The following AP5Z1 variants were observed in gnomAD, a reference collection of about 807,000 sequenced individuals.
AP5Z1 encodes AP-5 complex subunit zeta-1.
In AP5Z1, 106 loss-of-function variants were observed where a neutral mutation model predicts 83.0. The ratio of observed to expected loss-of-function variants is 1.28; its 90% CI spans 1.09 to 1.50. AP5Z1 has a LOEUF of 1.50. AP5Z1 is among the 40% of genes most tolerant of loss of function. The pLI is 0.00. For synonymous variants in AP5Z1, 751 were observed against 514.1 expected, an observed-to-expected ratio of 1.46 and a Z score of -6.23; for missense variants, 1,565 against 1,094.2, an observed-to-expected ratio of 1.43 and a Z score of -6.07.
At position 4,785,049 on chromosome 7, in the gene AP5Z1, G is replaced by A. The variant is rs1583232513; in HGVS notation, c.931+1G>A. The A allele has an allele frequency of 1.1e-5, 17 of 1,594,886 alleles. No homozygotes were observed. Among genetic ancestry groups the A allele is most frequent in the Non-Finnish European group, 1.4e-5 (16 of 1,167,580 alleles). On this transcript the variant is annotated splice_donor_variant, in intron 7 of 16. Coordinates refer to ENST00000649063, the MANE Select transcript of AP5Z1 (RefSeq NM_014855.3). LOFTEE classifies it high-confidence loss of function. ...CGCCTCATTGAGCAAAGTAACCGAC[G>A]TGAGTCCCCCACCCAGGGCACTGGC... is the stretch of plus-strand genomic sequence containing the variant.
At chr7:4,780,035 CGTCCCAAAGT>C (rs1410678025) in intron 1 of AP5Z1, among the ~76,000 whole-genome samples, 1 of 152,150 alleles carries the variant, frequency 6.6e-6, no homozygotes, top group Non-Finnish European at 1.5e-5. Flanking sequence ...CCCACCTCAG[CGTCCCAAAGT>C]GCTGGGATTA....
rs568094732 is a variant in AP5Z1 at position 4,791,408 on chromosome 7, G to A, written c.*23G>A. 58 of 1,588,348 alleles carry A rather than the reference G, an allele frequency of 3.7e-5. No homozygotes were observed. The highest frequency in any genetic ancestry group is 1.5e-4 in the South Asian group (13 of 88,084). On this transcript the variant is annotated 3_prime_UTR_variant, in exon 17 of 17. Coordinates refer to ENST00000649063, the MANE Select transcript of AP5Z1 (RefSeq NM_014855.3). ...TGAAGGGACAGTGGCCAGGGACTTC[G>A]GTGCAGATTAAGAGCCTGGGCAGCC... is the stretch of plus-strand genomic sequence containing the variant.
In AP5Z1 at chr7:4,788,149, C is replaced by T. The variant is rs199543162; in HGVS notation, c.1455-5C>T. 2.0e-5 allele frequency: 31 copies of T among 1,542,474 alleles called. No homozygotes were observed. The highest frequency in any genetic ancestry group is 1.1e-4 in the African/African-American group (8 of 72,896). ...CAGCCTGGCCTTGGGCGTCTGTCCA[C>T]GCAGGTCAGCACCGGCTGCATCCGA... On this transcript the variant is annotated splice_region_variant and splice_polypyrimidine_tract_variant and intron_variant, in intron 11 of 16. Transcript: ENST00000649063.
rs762762106 is a variant in AP5Z1, at chr7:4,785,435, T to G, written c.952T>G (p.Ser318Ala). The G allele has an allele frequency of 9.9e-6, 16 of 1,613,272 alleles. No homozygotes were observed. The highest frequency in any genetic ancestry group is 1.1e-5 in the Non-Finnish European group (13 of 1,179,686). The change falls in exon 8 of 17, where the codon TCC becomes GCC. Residue 318 changes from serine to alanine, a missense_variant. By Grantham distance (99) the Ser-to-Ala change is moderately conservative. Coordinates refer to ENST00000649063, the MANE Select transcript of AP5Z1 (RefSeq NM_014855.3). Reference protein sequence around the residue: ...SNRRALRKGDSDLQKACLVEA... With the variant: ...SNRRALRKGDADLQKACLVEA... ...TCCAGGAGCCCTGAGGAAGGGGGAC[T>G]CCGACCTGCAGAAAGCTGTAAGTGG...
intron 5 of AP5Z1, 79 bp from the exon 6 acceptor site, chr7:4,784,124 C>G (rs1781463856): frequency 6.8e-7 from 1 of 1,474,578 alleles, no homozygotes; most frequent in African/African-American, 1.4e-5. Context: ...TCCTCCACCT[C>G]CTGAGGAGCT....
intron 14 of AP5Z1, 147 bp downstream of exon 14, chr7:4,790,076 AGC>A (rs1781706642): frequency 2.6e-6 from 3 of 1,145,476 alleles, no homozygotes; most frequent in African/African-American, 2.7e-5. Flanking sequence ...CCCCACCCAC[AGC>A]CCCACACCCA....
intron 3 of AP5Z1, among the ~76,000 whole-genome samples, chr7:4,782,171 G>A (rs1035359756): frequency 1.8e-4 from 28 of 152,260 alleles, no homozygotes; most frequent in African/African-American, 6.7e-4. Context: ...TCCCATCTCA[G>A]CCTCCTGAGT....
chr7:4,781,291 C>T lies in AP5Z1; in HGVS notation c.158C>T (p.Ser53Leu). 2 of 1,613,674 alleles carry T rather than the reference C, an allele frequency of 1.2e-6. No individual in the cohort carries two copies. The highest frequency in any genetic ancestry group is 1.7e-5 in the Admixed American group (1 of 60,026). ...CTGCAGAGGCTCTTCCTCATCATCTCAGCCACGAAGTACAGCCGGAGGTGA... is the reference window on the plus strand; with the variant it reads ...CTGCAGAGGCTCTTCCTCATCATCTTAGCCACGAAGTACAGCCGGAGGTGA... ...DSLQRLFLII[S>L]ATKYSRRLEK... The change falls in exon 2 of 17, where the codon TCA (serine) becomes TTA (leucine). Residue 53 changes from serine to leucine, a missense_variant. By Grantham distance (145) the Ser-to-Leu change is moderately radical. Coordinates refer to ENST00000649063, the MANE Select transcript of AP5Z1 (RefSeq NM_014855.3).
chr7:4,790,513 G>A lies in AP5Z1; in HGVS notation c.1860G>A (p.Val620=), dbSNP rs769844045. Residue 620 remains valine, a synonymous_variant, in exon 15 of 17, where the codon GTG becomes GTA. Transcript: ENST00000649063. ...ALCTLKPSLV[V]ELARDLLEFL... Reference sequence around the variant, plus strand: ...GTACGCTGAAACCCTCCCTGGTGGTGGAGCTGGCAAGAGACCTGCTGGAGT... The same window carrying A: ...GTACGCTGAAACCCTCCCTGGTGGTAGAGCTGGCAAGAGACCTGCTGGAGT... 1.2e-6 allele frequency: 2 copies of A among 1,613,078 alleles called. No individual in the cohort carries two copies. The highest frequency in any genetic ancestry group is 2.2e-5 in the South Asian group (2 of 91,090).
In AP5Z1 at chr7:4,785,663, G is replaced by T. The variant is rs376671338; in HGVS notation, c.1111G>T (p.Ala371Ser). ...PASVRVLLPL[A>S]HFFLSHGEAA... ...CTCTGTGCGGGTGCTGCTGCCCCTC[G>T]CCCACTTCTTCCTGAGCCACGGTGA... The change falls in exon 9 of 17, where the codon GCC becomes TCC. Residue 371 changes from alanine (A) to serine (S), a missense_variant. Ala to Ser is a moderately conservative substitution (Grantham distance 99). Coordinates refer to ENST00000649063, the MANE Select transcript of AP5Z1 (RefSeq NM_014855.3). The T allele has an allele frequency of 1.9e-5, 30 of 1,543,624 alleles. No individual in the cohort carries two copies. Among genetic ancestry groups the T allele is most frequent in the South Asian group, 2.4e-5 (2 of 84,592 alleles).
chr7:4,787,708 A>G lies in AP5Z1; in HGVS notation c.1386A>G (p.Thr462=). The G allele has an allele frequency of 6.4e-7, 1 of 1,551,292 alleles. No homozygotes were observed. Among genetic ancestry groups the G allele is most frequent in the Non-Finnish European group, 8.7e-7 (1 of 1,148,940 alleles). Residue 462 remains threonine, a synonymous_variant, in exon 11 of 17, where the codon ACA becomes ACG. Transcript: ENST00000649063. The part of the protein sequence containing the change: ...ALLPALVDAG[T]ALEMLHALLD... ...TCCCGGCCCTGGTGGACGCTGGCAC[A>G]GCCCTGGAGATGCTGCACGCGCTGC...
intron 13 of AP5Z1, among the ~76,000 whole-genome samples, chr7:4,789,272 C>T (rs548709059): frequency 1.3e-5 from 2 of 152,202 alleles, no homozygotes; most frequent in South Asian, 2.1e-4. Context: ...AGGCTCCATC[C>T]AACTGCCCCA....
rs763906080 is a variant in AP5Z1 at position 4,790,623 on chromosome 7, C to T, written c.1938+32C>T. ...CGGGCGCTGGCCTCCCACAGCCGCTCCTGACCCAGGAGGCCTGGGTGGGGG... is the reference window on the plus strand; with the variant it reads ...CGGGCGCTGGCCTCCCACAGCCGCTTCTGACCCAGGAGGCCTGGGTGGGGG... On this transcript the variant is annotated intron_variant, in intron 15 of 16. Transcript: ENST00000649063. 13 of 1,612,384 alleles carry T rather than the reference C, an allele frequency of 8.1e-6. No individual in the cohort carries two copies. The African/African-American group carries it at 1.2e-4, about 15-fold the overall frequency.
intron 1 of AP5Z1, among the ~76,000 whole-genome samples, chr7:4,778,480 G>A (rs1055483072): frequency 4.6e-5 from 7 of 152,190 alleles, no homozygotes; most frequent in Middle Eastern, 3.4e-3. Context: ...TGTGCGAAGG[G>A]ACAGAAGCAA....
Position 4,788,646 on chromosome 7 carries a change from C to G in AP5Z1, c.1596-194C>G, listed in dbSNP as rs539201113. ...CCTCAGCCCACGCCAGCCTTTGTCC[C>G]GATGGCTTTACTGTCCCGGGTGTGC... On this transcript the variant is annotated intron_variant, in intron 12 of 16. Transcript: ENST00000649063. 1.5e-5 allele frequency: 8 copies of G among 548,046 alleles called. No homozygotes were observed. The South Asian group carries it at 2.0e-4, about 14-fold the overall frequency. The allele number at this position is 548,046 out of a possible 1,614,324, so 33.9% of individuals were successfully genotyped here. A position where few individuals can be genotyped will look rare whatever the true frequency, so the allele number is the denominator to read the frequency against.
Position 4,786,321 on chromosome 7 carries a change from C to T in AP5Z1, c.1204C>T (p.His402Tyr), listed in dbSNP as rs764113481. The T allele has an allele frequency of 6.8e-5, 110 of 1,613,738 alleles. No individual in the cohort carries two copies. The highest frequency in any genetic ancestry group is 1.1e-4 in the South Asian group (10 of 91,074). ...CACCAGGATCCCGGTGGAGCAGTTCCACAGCCCCATGCTGGCCTTTGAATT... is the reference window on the plus strand; with the variant it reads ...CACCAGGATCCCGGTGGAGCAGTTCTACAGCCCCATGCTGGCCTTTGAATT... ...LFTRIPVEQF[H>Y]SPMLAFEFIQ... Residue 402 changes from histidine (H) to tyrosine (Y), a missense_variant, in exon 10 of 17, where the codon CAC becomes TAC. Physicochemically the swap from His to Tyr is moderately conservative, Grantham distance 83. Transcript: ENST00000649063.
chr7:4,790,929 GAA>G, intron 16 of AP5Z1, 42 bp downstream of exon 16: 1 of 1,536,086 alleles, frequency 6.5e-7, no homozygotes, highest in Non-Finnish European at 8.8e-7. Context: ...GGCTCCTGGG[GAA>G]GAGAGGTGGC....
chr7:4,791,987 C>G lies in AP5Z1; in HGVS notation c.*602C>G, dbSNP rs1020561750. The G allele has an allele frequency of 6.6e-6, 1 of 152,636 alleles. No individual in the cohort carries two copies. The highest frequency in any genetic ancestry group is 2.4e-5 in the African/African-American group (1 of 41,458). 9.5% of individuals were successfully genotyped at this position (152,636 alleles called of 1,614,324 possible). A position where few individuals can be genotyped will look rare whatever the true frequency, so the allele number is the denominator to read the frequency against. On this transcript the variant is annotated 3_prime_UTR_variant, in exon 17 of 17. Coordinates refer to ENST00000649063, the MANE Select transcript of AP5Z1 (RefSeq NM_014855.3). ...GCTTGTCAATGCCCCTTTTGATGCC[C>G]TTGAATAGCCTGAAGATGAAGGGGA... is the stretch of plus-strand genomic sequence containing the variant.
intron 1 of AP5Z1, among the ~76,000 whole-genome samples, chr7:4,780,519 C>T (rs1040440573): frequency 6.6e-6 from 1 of 152,090 alleles, no homozygotes; most frequent in Admixed American, 6.5e-5. Context: ...AATCCCAGCA[C>T]TTTGGGAGGC....
Sources: allele counts gnomAD v4.1 joint callset (sites outside exome capture counted in the v4.1 genomes callset), GRCh38; gene constraint gnomAD v4.1.1; transcripts MANE v1.5; gene names NCBI Gene and HGNC (gene_info 2026-07-23, HGNC 2026-07-21).